The following FRMD4B variants were observed in gnomAD, a reference collection of about 807,000 sequenced individuals.
The protein encoded by FRMD4B is FERM domain containing 4B, also known as FERM domain-containing protein 4B.
A neutral mutation model predicts 141.5 loss-of-function variants in FRMD4B; 74 were observed. The ratio of observed to expected loss-of-function variants is 0.52; its 90% CI spans 0.43 to 0.63. FRMD4B has a LOEUF of 0.63. Among genes scored for constraint, FRMD4B ranks in the 30% least tolerant of loss-of-function variants. FRMD4B has a pLI of 0.00. For synonymous variants in FRMD4B, 506 were observed against 467.9 expected, an observed-to-expected ratio of 1.08 and a Z score of -1.05; for missense variants, 1,366 against 1,253.4, an observed-to-expected ratio of 1.09 and a Z score of -1.36.
At chr3:69,485,027 C>T (rs1706191096) in intron 1 of FRMD4B, among the ~76,000 whole-genome samples, 1 of 152,186 alleles carries the variant, frequency 6.6e-6, no homozygotes, top group Admixed American at 6.5e-5. Context: ...CCGTGACCAT[C>T]CATGGCACCC....
At chr3:69,303,307 C>T (rs1701280357) in intron 3 of FRMD4B, among the ~76,000 whole-genome samples, 1 of 148,294 alleles carries the variant, frequency 6.7e-6, no homozygotes, top group South Asian at 2.2e-4. Context: ...CCAGCCTGGG[C>T]AACATAACCA....
At chr3:69,328,587 G>C (rs1702260007) in intron 1 of FRMD4B, among the ~76,000 whole-genome samples, 1 of 152,138 alleles carries the variant, frequency 6.6e-6, no homozygotes, top group Non-Finnish European at 1.5e-5. Context: ...CAAGATACAG[G>C]TCATAAAGAC....
At chr3:69,499,135 C>T (rs150835219) in intron 1 of FRMD4B, among the ~76,000 whole-genome samples, 1 of 152,266 alleles carries the variant, frequency 6.6e-6, no homozygotes, top group African/African-American at 2.4e-5. Flanking sequence ...AGGCAGGAAT[C>T]AACTTGGCAG....
chr3:69,517,447 T>A (rs1039997201), intron 1 of FRMD4B, among the ~76,000 whole-genome samples: 24 of 151,520 alleles, frequency 1.6e-4, no homozygotes, highest in Non-Finnish European at 2.9e-4. Flanking sequence ...GAAAAAAAAA[T>A]TTTAACTGAA....
intron 11 of FRMD4B, among the ~76,000 whole-genome samples, chr3:69,215,282 C>CTTTTTTTTTTTTTTTTTTTTTTTTTTTTT (rs1559724064): frequency 2.7e-5 from 1 of 37,474 alleles, no homozygotes; most frequent in East Asian, 4.2e-4. Context: ...GATTGTGACC[C>CTTTTTTTTTTTTTTTTTTTTTTTTTTTTT]TCTTTTTTTT....
chr3:69,335,613 GC>G (rs1362172484), intron 1 of FRMD4B, among the ~76,000 whole-genome samples: 10 of 151,670 alleles, frequency 6.6e-5, no homozygotes, highest in Non-Finnish European at 1.0e-4. Context: ...GCTGCAGCCG[GC>G]CCCATAATTG....
At chr3:69,440,022 G>A (rs889716953) in intron 1 of FRMD4B, among the ~76,000 whole-genome samples, 14 of 152,116 alleles carry the variant, frequency 9.2e-5, no homozygotes, top group African/African-American at 3.4e-4. Context: ...CCTTCTACCA[G>A]TTTGTTGTTT....
intron 1 of FRMD4B, among the ~76,000 whole-genome samples, chr3:69,446,679 C>T (rs965446924): frequency 2.6e-5 from 4 of 152,156 alleles, no homozygotes; most frequent in Admixed American, 1.3e-4. Context: ...TGTTCTCCCT[C>T]TACTCAGAGT....
intron 11 of FRMD4B, among the ~76,000 whole-genome samples, chr3:69,213,879 C>T (rs1449570679): frequency 6.6e-6 from 1 of 151,614 alleles, no homozygotes; most frequent in Non-Finnish European, 1.5e-5. Context: ...GGTCTTGTCA[C>T]ATTGCTCAGG....
intron 1 of FRMD4B, among the ~76,000 whole-genome samples, chr3:69,320,139 C>A (rs1402252083): frequency 6.6e-6 from 1 of 152,172 alleles, no homozygotes; most frequent in Non-Finnish European, 1.5e-5. Context: ...GACTCCCAGG[C>A]TACAGCGTAA....
intron 1 of FRMD4B, among the ~76,000 whole-genome samples, chr3:69,475,209 T>C (rs747059380): frequency 5.3e-5 from 8 of 152,064 alleles, no homozygotes; most frequent in Non-Finnish European, 1.0e-4. Flanking sequence ...CTTTTTTTTC[T>C]TTTATTATTA....
intron 2 of FRMD4B, among the ~76,000 whole-genome samples, chr3:69,428,915 T>A (rs1430463802): frequency 1.3e-5 from 2 of 152,190 alleles, no homozygotes; most frequent in African/African-American, 4.8e-5. Flanking sequence ...GTGACTACAC[T>A]AGGTAGCTCA....
chr3:69,215,284 C>CTTTTTTGTTTTTTTTTTTTTTT (rs2093128987), intron 11 of FRMD4B, among the ~76,000 whole-genome samples: 1 of 45,208 alleles, frequency 2.2e-5, no homozygotes, highest in African/African-American at 7.2e-5. Context: ...TTGTGACCCT[C>CTTTTTTGTTTTTTTTTTTTTTT]TTTTTTTTTT....
At chr3:69,506,626 C>T (rs1208820177) in intron 1 of FRMD4B, among the ~76,000 whole-genome samples, 1 of 151,946 alleles carries the variant, frequency 6.6e-6, no homozygotes, top group Non-Finnish European at 1.5e-5. Context: ...GCCTCGACCT[C>T]CCTGGCTCAA....
intron 11 of FRMD4B, among the ~76,000 whole-genome samples, chr3:69,210,153 TC>T (rs1056298751): frequency 6.6e-6 from 1 of 152,214 alleles, no homozygotes; most frequent in Non-Finnish European, 1.5e-5. Context: ...CTCAAGTCTT[TC>T]TTGGCATGAT....
chr3:69,488,549 G>T (rs13092852), intron 1 of FRMD4B, among the ~76,000 whole-genome samples: 50,798 of 151,932 alleles, frequency 0.33, 8,978 homozygotes, highest in Non-Finnish European at 0.4. Context: ...ATAATAAAAT[G>T]GGACCCCTAC....
At chr3:69,510,801 A>G (rs1244418302) in intron 1 of FRMD4B, among the ~76,000 whole-genome samples, 3 of 151,932 alleles carry the variant, frequency 2.0e-5, no homozygotes, top group African/African-American at 7.2e-5. Context: ...AAGCATTCTC[A>G]TGCAGTTCTG....
chr3:69,398,203 G>A (rs1053976825), intron 2 of FRMD4B, among the ~76,000 whole-genome samples: 5 of 152,130 alleles, frequency 3.3e-5, no homozygotes, highest in African/African-American at 1.2e-4. Flanking sequence ...ATTTATTGTG[G>A]TGGAGGAGGT....
intron 12 of FRMD4B, 197 bp downstream of exon 12, chr3:69,198,501 G>A: frequency 1.7e-6 from 1 of 576,986 alleles, no homozygotes; most frequent in South Asian, 2.2e-5. Flanking sequence ...GTAAAATGGT[G>A]CAGCACTTTG....
Sources: allele counts gnomAD v4.1 joint callset (sites outside exome capture counted in the v4.1 genomes callset), GRCh38; gene constraint gnomAD v4.1.1; transcripts MANE v1.5; gene names NCBI Gene and HGNC (gene_info 2026-07-23, HGNC 2026-07-21).